HHAT: variants seen among roughly 807,000 people sequenced by gnomAD.
The protein encoded by HHAT is hedgehog acyltransferase, also known as protein-cysteine N-palmitoyltransferase HHAT.
In HHAT, 47 loss-of-function variants were observed where a neutral mutation model predicts 70.8. The ratio of observed to expected loss-of-function variants is 0.66; its 90% CI spans 0.53 to 0.85. The LOEUF (loss-of-function observed/expected upper bound fraction) is 0.85. Among genes scored for constraint, HHAT ranks in the 40% least tolerant of loss-of-function variants. The pLI, the probability that HHAT is intolerant of heterozygous loss-of-function variation, is 0.00. For missense variants in HHAT, 609 were observed against 604.8 expected (o/e 1.01, Z -0.07); for synonymous variants, 228 against 247.6 (o/e 0.92, Z 0.74).
intron 9 of HHAT, among the ~76,000 whole-genome samples, chr1:210,519,474 G>A (rs1029682727): frequency 2.0e-5 from 3 of 150,804 alleles, no homozygotes; most frequent in Non-Finnish European, 1.5e-5. Context: ...CACCAACAGT[G>A]TGCAATGTAA....
intron 7 of HHAT, among the ~76,000 whole-genome samples, chr1:210,435,457 G>C (rs1021021960): frequency 6.6e-6 from 1 of 151,848 alleles, no homozygotes; most frequent in Non-Finnish European, 1.5e-5. Flanking sequence ...GCTTTGACAT[G>C]TTGATTTCCT....
chr1:210,411,683 C>G (rs2092559909), intron 6 of HHAT, among the ~76,000 whole-genome samples: 1 of 152,028 alleles, frequency 6.6e-6, no homozygotes, highest in South Asian at 2.1e-4. Flanking sequence ...TGAGCCAAGG[C>G]TACCATGAGG....
intron 7 of HHAT, among the ~76,000 whole-genome samples, chr1:210,444,425 C>G (rs1226136602): frequency 1.4e-5 from 2 of 142,028 alleles, no homozygotes; most frequent in African/African-American, 5.1e-5. Flanking sequence ...GGAATGGTAC[C>G]AGTTCCTCCT....
intron 9 of HHAT, among the ~76,000 whole-genome samples, chr1:210,526,175 G>T (rs371058297): frequency 6.6e-6 from 1 of 152,094 alleles, no homozygotes; most frequent in African/African-American, 2.4e-5. Context: ...GGAGTCCTAC[G>T]CGCAGCACTG....
intron 10 of HHAT, among the ~76,000 whole-genome samples, chr1:210,604,638 C>A (rs1370929128): frequency 6.6e-6 from 1 of 152,024 alleles, no homozygotes; most frequent in African/African-American, 2.4e-5. Context: ...TGTTGTCTAA[C>A]TAAAAATTAT....
chr1:210,331,948 C>A (rs2085028246), intron 1 of HHAT, among the ~76,000 whole-genome samples: 1 of 152,212 alleles, frequency 6.6e-6, no homozygotes. Context: ...GGCCAGTGAT[C>A]TATCTTTAGA....
intron 2 of HHAT, 38 bp from the exon 3 acceptor site, chr1:210,362,814 A>C (rs1411185676): frequency 6.4e-7 from 1 of 1,574,578 alleles, no homozygotes; most frequent in Non-Finnish European, 8.7e-7. Flanking sequence ...AGTTTTGTTT[A>C]GATTTGTGAC....
chr1:210,340,242 G>GGAAAAA (rs1553313987), intron 1 of HHAT, among the ~76,000 whole-genome samples: 4 of 99,782 alleles, frequency 4.0e-5, no homozygotes, highest in African/African-American at 1.4e-4. Context: ...CTCTGTCTCA[G>GGAAAAA]AAAAAAAAAA....
intron 2 of HHAT, among the ~76,000 whole-genome samples, chr1:210,357,034 C>T (rs960901688): frequency 2.6e-5 from 4 of 152,228 alleles, no homozygotes; most frequent in Admixed American, 2.6e-4. Flanking sequence ...TGTGGAACAA[C>T]CAAGGCTCCA....
intron 7 of HHAT, among the ~76,000 whole-genome samples, chr1:210,434,250 G>A (rs1360261539): frequency 6.6e-6 from 1 of 151,824 alleles, no homozygotes; most frequent in Non-Finnish European, 1.5e-5. Context: ...TATAGACCAG[G>A]GTTGAATAAT....
chr1:210,385,643 T>C (rs527692597), intron 3 of HHAT, among the ~76,000 whole-genome samples: 1 of 152,332 alleles, frequency 6.6e-6, no homozygotes, highest in African/African-American at 2.4e-5. Flanking sequence ...GGAGCATGTG[T>C]AATCTGAGAA....
At chr1:210,395,003 G>GTA (rs3036589) in intron 4 of HHAT, among the ~76,000 whole-genome samples, 17,657 of 151,886 alleles carry the variant, frequency 0.12, 1,330 homozygotes, top group East Asian at 0.29. Context: ...ACATATGTAT[G>GTA]TATATATATA....
At chr1:210,533,435 T>C (rs1036440465) in intron 9 of HHAT, among the ~76,000 whole-genome samples, 1 of 151,450 alleles carries the variant, frequency 6.6e-6, no homozygotes, top group Non-Finnish European at 1.5e-5. Context: ...GACTGTCAAC[T>C]CCAAGGGAAA....
intron 3 of HHAT, 38 bp downstream of exon 3, chr1:210,362,957 C>T: frequency 6.9e-7 from 1 of 1,452,068 alleles, no homozygotes; most frequent in Non-Finnish European, 9.7e-7. Context: ...AGTTTTCAAA[C>T]CTGATTTCAA....
At chr1:210,510,583 A>G (rs1265883184) in intron 8 of HHAT, among the ~76,000 whole-genome samples, 1 of 152,108 alleles carries the variant, frequency 6.6e-6, no homozygotes, top group Non-Finnish European at 1.5e-5. Context: ...ATGAACCATC[A>G]TTTTCAATTA....
chr1:210,552,392 C>A (rs1435385422), intron 9 of HHAT, among the ~76,000 whole-genome samples: 1 of 152,224 alleles, frequency 6.6e-6, no homozygotes, highest in Non-Finnish European at 1.5e-5. Context: ...AACCTCTGGC[C>A]TGTGCCTTGT....
rs1186075513 is a variant in HHAT, at chr1:210,633,730, T to C, written c.1390+10060T>C. On this transcript the variant is annotated intron_variant, in intron 11 of 11. Transcript: ENST00000261458. ...GTCACCCTGTGTCAGGCTGGCAGAT[T>C]GAGGCTTCCGGGCAGGGCAGGCAGA... is the stretch of plus-strand genomic sequence containing the variant. Among the ~76,000 whole-genome samples the C allele has an allele frequency of 2.0e-5, 3 of 152,194 alleles. No individual in the cohort carries two copies. In the East Asian group the frequency reaches 5.8e-4, roughly 29 times the overall value.
chr1:210,476,472 C>G (rs1165822915), intron 8 of HHAT, among the ~76,000 whole-genome samples: 2 of 152,194 alleles, frequency 1.3e-5, no homozygotes, highest in African/African-American at 4.8e-5. Context: ...CTCCAACCTT[C>G]TATTAGAAAT....
At chr1:210,572,267 C>T (rs940422850) in intron 9 of HHAT, among the ~76,000 whole-genome samples, 5 of 152,178 alleles carry the variant, frequency 3.3e-5, no homozygotes, top group Non-Finnish European at 5.9e-5. Flanking sequence ...GTGCGGATTT[C>T]AGTCCGGAGA....
Sources: allele counts gnomAD v4.1 joint callset (sites outside exome capture counted in the v4.1 genomes callset), GRCh38; gene constraint gnomAD v4.1.1; transcripts MANE v1.5; gene names NCBI Gene and HGNC (gene_info 2026-07-23, HGNC 2026-07-21).